The following TNPO2 variants were observed in gnomAD, a reference collection of about 807,000 sequenced individuals.
The protein encoded by TNPO2 is transportin-2.
A neutral mutation model predicts 111.1 loss-of-function variants in TNPO2; 16 were observed. That is an observed-to-expected ratio of 0.14 (90% CI 0.10 to 0.22). The LOEUF is 0.22. Ranked by LOEUF, TNPO2 falls within the 10% of genes least tolerant of loss-of-function variation. The pLI, the probability that TNPO2 is intolerant of heterozygous loss-of-function variation, is 1.00. For missense variants in TNPO2, 530 were observed against 1,173.7 expected, an observed-to-expected ratio of 0.45 and a Z score of 8.01; for synonymous variants, 481 against 475.8, an observed-to-expected ratio of 1.01 and a Z score of -0.14.
chr19:12,711,573 T>C lies in TNPO2; in HGVS notation c.931A>G (p.Ile311Val). 1 of 1,613,914 alleles carries C rather than the reference T, an allele frequency of 6.2e-7. No homozygotes were observed. Among genetic ancestry groups the C allele is most frequent in the South Asian group, 1.1e-5 (1 of 91,080 alleles). ...ILVNGMKYSE[I>V]DIILLKGDVE... ...CTGACCTTGAGCAGGATGATGTCAA[T>C]TTCCGAGTACTTCATCCCATTCACC... The change falls in exon 11 of 26, where the codon ATT becomes GTT. Residue 311 changes from isoleucine to valine, a missense_variant. Coordinates refer to ENST00000425528, the MANE Select transcript of TNPO2 (RefSeq NM_001382241.1).
chr19:12,705,026 T>A lies in TNPO2; in HGVS notation c.2022+214A>T, dbSNP rs191707646. On this transcript the variant is annotated intron_variant, in intron 18 of 25. Transcript: ENST00000425528. This position sits in a 1 kb window ranked among gnomAD's most constrained non-coding sequence, Gnocchi z 7.2. ...TTGCTTTAAAAAAAATTTTTTTTTT[T>A]AATTTTAGAACTGGGGTTTCACTAT... is the stretch of plus-strand genomic sequence containing the variant. Among the ~76,000 whole-genome samples, 47 of 152,250 alleles carry A rather than the reference T, an allele frequency of 3.1e-4. No homozygotes were observed. The highest frequency in any genetic ancestry group is 1.1e-3 in the African/African-American group (44 of 41,540).
In TNPO2 at chr19:12,701,556, G is replaced by C. The variant is rs2145441736; in HGVS notation, c.2586+42C>G. 1.2e-6 allele frequency: 2 copies of C among 1,609,410 alleles called. No individual in the cohort carries two copies. The highest frequency in any genetic ancestry group is 4.5e-5 in the East Asian group (2 of 44,834). On this transcript the variant is annotated intron_variant, in intron 24 of 25. Transcript: ENST00000425528. This position sits in a 1 kb window ranked among gnomAD's most constrained non-coding sequence, Gnocchi z 5.0. ...ATTGTTACCAGATGGTCTCACCCCT[G>C]CCTGCTCCCGGAACTAGATCAGGGC...
rs886415741 is a variant in TNPO2, at chr19:12,702,359, T to A, written c.2306-182A>T. 8.7e-6 allele frequency: 6 copies of A among 692,564 alleles called. No individual in the cohort carries two copies. In the East Asian group the frequency reaches 1.4e-4, roughly 16 times the overall value. The allele number at this position is 692,564 out of a possible 1,614,324, so 42.9% of individuals were successfully genotyped here. On this transcript the variant is annotated intron_variant, in intron 21 of 25. Coordinates refer to ENST00000425528, the MANE Select transcript of TNPO2 (RefSeq NM_001382241.1). The surrounding 1 kb of genome is among the most constrained non-coding windows in gnomAD (Gnocchi z 5.5). ...TTCCCAGGTCTCTCTGCATCTATCT[T>A]TCTTTCTTTCCTTTCCCTTTCCTTT...
At position 12,714,302 on chromosome 19, in the gene TNPO2, G is replaced by A. The variant is rs145607632; in HGVS notation, c.890+519C>T. Among the ~76,000 whole-genome samples, 465 of 150,822 alleles carry A rather than the reference G, an allele frequency of 3.1e-3. 5 individuals are homozygous for A. The highest frequency in any genetic ancestry group is 0.011 in the African/African-American group (436 of 41,030). ...CAGCCATACCCCTGAAGCCTTTGTT[G>A]ATTTTTCATTTCTTTTTTTTTTTTT... is the stretch of plus-strand genomic sequence containing the variant. On this transcript the variant is annotated intron_variant, in intron 10 of 25. Transcript: ENST00000425528.
chr19:12,710,923 T>C, intron 12 of TNPO2, 150 bp from the exon 13 acceptor site: 1 of 941,752 alleles, frequency 1.1e-6, no homozygotes, highest in Non-Finnish European at 1.5e-6. Context: ...AGACGGAGTC[T>C]CACTTTTTCC....
chr19:12,723,139 T>A (rs1397101684), intron 2 of TNPO2, 110 bp downstream of exon 2: 2 of 152,184 alleles, frequency 1.3e-5, no homozygotes, highest in Non-Finnish European at 1.5e-5. Context: ...TCCAGTACTG[T>A]TTGATAGTTT....
Position 12,701,596 on chromosome 19 carries a change from A to G in TNPO2, c.2586+2T>C. The G allele has an allele frequency of 6.2e-7, 1 of 1,613,542 alleles. No individual in the cohort carries two copies. Among genetic ancestry groups the G allele is most frequent in the East Asian group, 2.2e-5 (1 of 44,852 alleles). ...TAGATCAGGGCCCAGACAGAGCCTC[A>G]CCTTATAAAACATGTCCCGAAGGTC... On this transcript the variant is annotated splice_donor_variant, in intron 24 of 25. Transcript: ENST00000425528. LOFTEE classifies it high-confidence loss of function. The surrounding 1 kb of genome is among the most constrained non-coding windows in gnomAD (Gnocchi z 5.0).
chr19:12,705,900 G>T lies in TNPO2; in HGVS notation c.1669-132C>A. 4 of 738,144 alleles carry T rather than the reference G, an allele frequency of 5.4e-6. No individual in the cohort carries two copies. Among genetic ancestry groups the T allele is most frequent in the Non-Finnish European group, 8.6e-6 (4 of 463,500 alleles). 45.7% of individuals were successfully genotyped at this position (738,144 alleles called of 1,614,324 possible). Reference sequence around the variant, plus strand: ...GGGACCCTGAAAGGCCTGCCATCTGGCCAGACCTCGAGGCCTTCATTCTTC... The same window carrying T: ...GGGACCCTGAAAGGCCTGCCATCTGTCCAGACCTCGAGGCCTTCATTCTTC... On this transcript the variant is annotated intron_variant, in intron 15 of 25. Coordinates refer to ENST00000425528, the MANE Select transcript of TNPO2 (RefSeq NM_001382241.1). The surrounding 1 kb of genome is among the most constrained non-coding windows in gnomAD (Gnocchi z 7.2).
chr19:12,703,561 G>A (rs2025454528), intron 19 of TNPO2, 35 bp from the exon 20 acceptor site: 1 of 1,605,588 alleles, frequency 6.2e-7, no homozygotes, highest in Non-Finnish European at 8.5e-7. Flanking sequence ...GAGAAGGAGG[G>A]CCAGCCAGGG....
chr19:12,720,609 C>T (rs1226342056), intron 3 of TNPO2, among the ~76,000 whole-genome samples: 1 of 152,218 alleles, frequency 6.6e-6, no homozygotes, highest in Admixed American at 6.5e-5. Flanking sequence ...GCATGAGCCA[C>T]CCCGTTGGGC....
intron 10 of TNPO2, among the ~76,000 whole-genome samples, chr19:12,714,344 GCT>G (rs2026244629): frequency 8.0e-6 from 1 of 124,874 alleles, no homozygotes; most frequent in South Asian, 2.5e-4. Flanking sequence ...ACGGAGTTTT[GCT>G]CTGTCACCCA....
Position 12,715,317 on chromosome 19 carries a change from C to T in TNPO2, c.574G>A (p.Ala192Thr). 6.2e-7 allele frequency: 1 copy of T among 1,613,694 alleles called. No homozygotes were observed. The highest frequency in any genetic ancestry group is 8.5e-7 in the Non-Finnish European group (1 of 1,179,790). ...KHCSPKIRSH[A>T]IACVNQFIMD... is the part of the protein sequence containing the mutation. ...ATGAACTGGTTCACGCAGGCGATGGCGTGGGACCTGGCGGGGAGCAGACAC... is the reference window on the plus strand; with the variant it reads ...ATGAACTGGTTCACGCAGGCGATGGTGTGGGACCTGGCGGGGAGCAGACAC... The change falls in exon 8 of 26, where the codon GCC becomes ACC. Residue 192 changes from alanine (A) to threonine (T), a missense_variant. This residue lies in a region of TNPO2 where 156 missense variants were observed against 405.8 expected (regional missense o/e 0.38). Coordinates refer to ENST00000425528, the MANE Select transcript of TNPO2 (RefSeq NM_001382241.1). The surrounding 1 kb of genome is among the most constrained non-coding windows in gnomAD (Gnocchi z 7.1).
In TNPO2 at chr19:12,720,995, G is replaced by A; in HGVS notation, c.-13-5C>T. On this transcript the variant is annotated splice_region_variant and splice_polypyrimidine_tract_variant and intron_variant, in intron 2 of 25. Coordinates refer to ENST00000425528, the MANE Select transcript of TNPO2 (RefSeq NM_001382241.1). ...CAGTCCATGGCGCAAGGCAAGCTGC[G>A]GAGGTAGGGGCCGGGGTCAGCGCTG... The A allele has an allele frequency of 6.4e-7, 1 of 1,561,666 alleles. No homozygotes were observed. The highest frequency in any genetic ancestry group is 8.6e-7 in the Non-Finnish European group (1 of 1,157,854).
intron 5 of TNPO2, among the ~76,000 whole-genome samples, chr19:12,716,784 C>G (rs1215462238): frequency 6.6e-6 from 1 of 152,104 alleles, no homozygotes; most frequent in Non-Finnish European, 1.5e-5. Context: ...ATCTTGATAT[C>G]TGAGCCAAGG....
Position 12,699,352 on chromosome 19 carries a change from C to T in TNPO2, c.*1912G>A, listed in dbSNP as rs1347875928. The T allele has an allele frequency of 2.7e-6, 1 of 368,942 alleles. No individual in the cohort carries two copies. Among genetic ancestry groups the T allele is most frequent in the Non-Finnish European group, 5.6e-6 (1 of 179,708 alleles). The allele number at this position is 368,942 out of a possible 1,614,324, so 22.9% of individuals were successfully genotyped here. A position where few individuals can be genotyped will look rare whatever the true frequency, so the allele number is the denominator to read the frequency against. ...GTGAGGAGGGAAAGAGGGACTGTGG[C>T]TCAAGGCCAGTCTGGGTCCACAGCC... is the stretch of plus-strand genomic sequence containing the variant. On this transcript the variant is annotated 3_prime_UTR_variant, in exon 26 of 26. Transcript: ENST00000425528.
chr19:12,703,857 G>T, intron 18 of TNPO2, 56 bp from the exon 19 acceptor site: 1 of 1,441,750 alleles, frequency 6.9e-7, no homozygotes, highest in Non-Finnish European at 9.4e-7. Flanking sequence ...AACCAGGACA[G>T]CTCAGGGGGC....
intron 10 of TNPO2, among the ~76,000 whole-genome samples, chr19:12,712,903 C>T (rs927838787): frequency 6.8e-4 from 104 of 152,304 alleles, no homozygotes; most frequent in African/African-American, 2.4e-3. Flanking sequence ...CCCTGTGGGG[C>T]TGGTCCCTAC....
At position 12,701,278 on chromosome 19, in the gene TNPO2, C is replaced by G. The variant is rs1023391891; in HGVS notation, c.*21-35G>C. 4.5e-6 allele frequency: 6 copies of G among 1,347,068 alleles called. No homozygotes were observed. In the African/African-American group the frequency reaches 8.8e-5, roughly 20 times the overall value. The allele number at this position is 1,347,068 out of a possible 1,614,324, so 83.4% of individuals were successfully genotyped here. On this transcript the variant is annotated intron_variant, in intron 25 of 25. Coordinates refer to ENST00000425528, the MANE Select transcript of TNPO2 (RefSeq NM_001382241.1). This position sits in a 1 kb window ranked among gnomAD's most constrained non-coding sequence, Gnocchi z 5.0. Reference sequence around the variant, plus strand: ...GAGGAGGAAGGTCATGGCCTGGGACCTTTCGGCCCCCAAGACAGTGCTGAC... The same window carrying G: ...GAGGAGGAAGGTCATGGCCTGGGACGTTTCGGCCCCCAAGACAGTGCTGAC...
chr19:12,714,990 T>G, intron 9 of TNPO2, 51 bp from the exon 10 acceptor site: 1 of 1,591,236 alleles, frequency 6.3e-7, no homozygotes, highest in East Asian at 2.2e-5. Flanking sequence ...GGTGGCTCCC[T>G]GACCCCTGCC....
Sources: allele counts gnomAD v4.1 joint callset (sites outside exome capture counted in the v4.1 genomes callset), GRCh38; gene constraint gnomAD v4.1.1; regional missense constraint gnomAD v4.1.1; non-coding constraint Gnocchi (gnomAD v3.1); transcripts MANE v1.5; gene names NCBI Gene and HGNC (gene_info 2026-07-23, HGNC 2026-07-21).